Variants in N4BP2L2 observed in about 807,000 individuals in gnomAD.
The protein encoded by N4BP2L2 is NEDD4 binding protein 2 like 2.
N4BP2L2 carries 50 observed loss-of-function variants against 56.2 expected under a neutral mutation model. The observed-to-expected ratio is 0.89, with a 90% CI of 0.71 to 1.13. The LOEUF (loss-of-function observed/expected upper bound fraction) is 1.13, where lower values mean the gene tolerates loss of function less well. N4BP2L2 is among the 50% of genes most tolerant of loss of function. The probability of loss-of-function intolerance (pLI) is 0.00; values close to 1 mark genes in which losing one functional copy is unlikely to be tolerated. For synonymous variants in N4BP2L2, 203 were observed against 223.6 expected, an observed-to-expected ratio of 0.91 and a Z score of 0.82; for missense variants, 689 against 693.8, an observed-to-expected ratio of 0.99 and a Z score of 0.08.
chr13:32,455,028 T>C (rs149462392), intron 6 of N4BP2L2, among the ~76,000 whole-genome samples: 87 of 152,264 alleles, frequency 5.7e-4, no homozygotes, highest in African/African-American at 2.0e-3. Context: ...GGGAGCTGCC[T>C]GGAGATGACC....
intron 6 of N4BP2L2, among the ~76,000 whole-genome samples, chr13:32,473,663 C>A (rs955072178): frequency 6.6e-6 from 1 of 152,210 alleles, no homozygotes; most frequent in African/African-American, 2.4e-5. Flanking sequence ...TTTCCTTGTC[C>A]TTTCCAGTCT....
At chr13:32,493,000 G>A (rs923595679) in intron 6 of N4BP2L2, among the ~76,000 whole-genome samples, 1 of 136,178 alleles carries the variant, frequency 7.3e-6, no homozygotes, top group Non-Finnish European at 1.5e-5. Context: ...TCAGCTCACT[G>A]TAGCCTCTGC....
intron 6 of N4BP2L2, among the ~76,000 whole-genome samples, chr13:32,490,696 T>G (rs2086878139): frequency 6.6e-6 from 1 of 152,136 alleles, no homozygotes; most frequent in Non-Finnish European, 1.5e-5. Context: ...CTGTTCCACC[T>G]CAGATGATCA....
exon 7 of N4BP2L2, chr13:32,442,955 A>C: frequency 2.5e-6 from 4 of 1,613,384 alleles, no homozygotes; most frequent in Non-Finnish European, 3.4e-6. Flanking sequence ...TCTTCTCCCA[A>C]AGTAATTTTT....
At chr13:32,445,815 T>A (rs1173459285) in intron 6 of N4BP2L2, among the ~76,000 whole-genome samples, 1 of 152,238 alleles carries the variant, frequency 6.6e-6, no homozygotes, top group Non-Finnish European at 1.5e-5. Context: ...CATAGCTCCC[T>A]TTAACGGAAG....
At chr13:32,504,199 A>G (rs973574563) in intron 6 of N4BP2L2, among the ~76,000 whole-genome samples, 2 of 152,240 alleles carry the variant, frequency 1.3e-5, no homozygotes, top group Non-Finnish European at 1.5e-5. Flanking sequence ...AAATGTCTCC[A>G]AAGTGCTTCT....
At chr13:32,478,777 G>A (rs545200824) in intron 6 of N4BP2L2, 4 of 152,104 alleles carry the variant, frequency 2.6e-5, no homozygotes, top group African/African-American at 4.8e-5. Context: ...GGGTGATTTC[G>A]GAAGTACAAA....
At chr13:32,520,483 C>T (rs765215226) in intron 5 of N4BP2L2, among the ~76,000 whole-genome samples, 1 of 151,594 alleles carries the variant, frequency 6.6e-6, no homozygotes, top group African/African-American at 2.4e-5. Context: ...ACGGTGAAAC[C>T]CCGTCTCTAC....
At chr13:32,499,020 TA>T (rs2089435145) in intron 6 of N4BP2L2, among the ~76,000 whole-genome samples, 1 of 150,706 alleles carries the variant, frequency 6.6e-6, no homozygotes, top group Admixed American at 6.6e-5. Context: ...AATTAAAATT[TA>T]AAAAAGAAAT....
At chr13:32,443,779 A>C in exon 7 of N4BP2L2, 1 of 1,579,452 alleles carries the variant, frequency 6.3e-7, no homozygotes, top group Admixed American at 1.9e-5. Context: ...TTCCTTAGAG[A>C]GGTAATTCTT....
chr13:32,436,617 C>T (rs1386803491), intron 8 of N4BP2L2, among the ~76,000 whole-genome samples: 1 of 151,562 alleles, frequency 6.6e-6, no homozygotes, highest in Non-Finnish European at 1.5e-5. Context: ...TGGCAAAACC[C>T]TGTCTCTACT....
chr13:32,521,309 G>A, intron 5 of N4BP2L2, 64 bp downstream of exon 5: 1 of 1,195,098 alleles, frequency 8.4e-7, no homozygotes, highest in Non-Finnish European at 1.2e-6. Context: ...ACTGTGAAAG[G>A]ATGTCAGAAT....
chr13:32,450,481 T>C (rs1036205034), intron 6 of N4BP2L2, among the ~76,000 whole-genome samples: 68 of 151,514 alleles, frequency 4.5e-4, no homozygotes, highest in African/African-American at 1.6e-3. Flanking sequence ...CCTGCAACCA[T>C]GCCCGGTTAA....
At chr13:32,444,959 T>C (rs913878892) in intron 6 of N4BP2L2, among the ~76,000 whole-genome samples, 4 of 152,066 alleles carry the variant, frequency 2.6e-5, no homozygotes, top group African/African-American at 9.7e-5. Context: ...TATATAAACA[T>C]ATCTAGAGGC....
intron 6 of N4BP2L2, among the ~76,000 whole-genome samples, chr13:32,450,385 C>A (rs1433849322): frequency 7.0e-6 from 1 of 142,326 alleles, no homozygotes; most frequent in Non-Finnish European, 1.5e-5. Context: ...AGTGCAGTGG[C>A]GCGATCTTGG....
chr13:32,510,024 TTAAG>T (rs370088104), downstream of N4BP2L2, among the ~76,000 whole-genome samples: 645 of 152,226 alleles, frequency 4.2e-3, 5 homozygotes, highest in African/African-American at 0.015. Flanking sequence ...CAAAGCAAAC[TTAAG>T]TAACTGTCTC....
chr13:32,481,068 G>A (rs1034830798), intron 6 of N4BP2L2, among the ~76,000 whole-genome samples: 12 of 119,380 alleles, frequency 1.0e-4, no homozygotes, highest in Non-Finnish European at 1.6e-4. Flanking sequence ...GCAGCGAGCC[G>A]AGATCACACC....
At chr13:32,485,606 A>C (rs1311470316) in intron 6 of N4BP2L2, among the ~76,000 whole-genome samples, 1 of 152,256 alleles carries the variant, frequency 6.6e-6, no homozygotes, top group African/African-American at 2.4e-5. Context: ...ATGTGATGTT[A>C]TCTCAGGAAA....
At position 32,477,821 on chromosome 13, in the gene N4BP2L2, G is replaced by A. The variant is rs76515362; in HGVS notation, c.366-33695C>T. ...GGTATACAGCTGAGAAATACTCAGC[G>A]GATTATTGGCATAGTTGTTTGCACT... On this transcript the variant is annotated intron_variant, in intron 6 of 9. Coordinates refer to the N4BP2L2 transcript ENST00000357505. 9.8e-3 allele frequency: 12,134 copies of A among 1,235,496 alleles called. 848 individuals are homozygous for A. The African/African-American group carries it at 0.16, about 16-fold the overall frequency. 76.5% of individuals were successfully genotyped at this position (1,235,496 alleles called of 1,614,324 possible). A position where few individuals can be genotyped will look rare whatever the true frequency, so the allele number is the denominator to read the frequency against.
Sources: allele counts gnomAD v4.1 joint callset (sites outside exome capture counted in the v4.1 genomes callset), GRCh38; gene constraint gnomAD v4.1.1; transcripts MANE v1.5; gene names NCBI Gene and HGNC (gene_info 2026-07-23, HGNC 2026-07-21).